The following GIMAP4 variants were observed in gnomAD, a reference collection of about 807,000 sequenced individuals.
The protein encoded by GIMAP4 is GTPase IMAP family member 4.
In GIMAP4, 12 loss-of-function variants were observed where a neutral mutation model predicts 10.8. That is an observed-to-expected ratio of 1.11 (90% CI 0.71 to 1.81). The LOEUF (loss-of-function observed/expected upper bound fraction) is 1.81. Among genes scored for constraint, GIMAP4 ranks in the 40% most tolerant of loss-of-function variants. The probability of loss-of-function intolerance (pLI) is 0.00; values close to 1 mark genes in which losing one functional copy is unlikely to be tolerated. For synonymous variants in GIMAP4, 149 were observed against 147.2 expected (o/e 1.01, Z -0.09); for missense variants, 412 against 404.6 (o/e 1.02, Z -0.16).
intron 2 of GIMAP4, among the ~76,000 whole-genome samples, chr7:150,571,573 C>A (rs529295308): frequency 6.6e-6 from 1 of 152,044 alleles, no homozygotes; most frequent in Non-Finnish European, 1.5e-5. Context: ...CTGAGGTCAG[C>A]AGTTTGAGAC....
rs1230240829 is a variant in GIMAP4 at position 150,570,571 on chromosome 7, A to G, written c.58+612A>G. Among the ~76,000 whole-genome samples the G allele has an allele frequency of 2.6e-5, 4 of 152,156 alleles. No homozygotes were observed. In the South Asian group the frequency reaches 6.2e-4, roughly 24 times the overall value. On this transcript the variant is annotated intron_variant, in intron 2 of 2. Coordinates refer to ENST00000255945, the MANE Select transcript of GIMAP4 (RefSeq NM_018326.3). ...ACATCAGCCATTTAGTTGGTTCTTA[A>G]TTCTGTGGGTTCACTGGGCTGTTCT...
Position 150,572,301 on chromosome 7 carries a change from G to T in GIMAP4, c.231G>T (p.Lys77Asn). ...GTGAGAAACGCAGCAGCTCATGGAA[G>T]GAAACAGAACTTGTCGTAGTTGACA... ...KKCEKRSSSW[K>N]ETELVVVDTP... Residue 77 changes from lysine to asparagine, a missense_variant, in exon 3 of 3, where the codon AAG (lysine) becomes AAT (asparagine). Coordinates refer to ENST00000255945, the MANE Select transcript of GIMAP4 (RefSeq NM_018326.3). 1 of 1,614,140 alleles carries T rather than the reference G, an allele frequency of 6.2e-7. No individual in the cohort carries two copies. Among genetic ancestry groups the T allele is most frequent in the Non-Finnish European group, 8.5e-7 (1 of 1,179,996 alleles).
chr7:150,572,065 T>C (rs1585157500), intron 2 of GIMAP4, 64 bp from the exon 3 acceptor site: 2 of 1,068,126 alleles, frequency 1.9e-6, no homozygotes, highest in Non-Finnish European at 2.8e-6. Flanking sequence ...GTGAGGACTC[T>C]GCAGGGGAAT....
At chr7:150,567,729 T>C (rs1020159065) in intron 1 of GIMAP4, among the ~76,000 whole-genome samples, 4 of 152,186 alleles carry the variant, frequency 2.6e-5, no homozygotes, top group Admixed American at 6.5e-5. Flanking sequence ...GGGATAAAGT[T>C]GGGTGAGCGG....
At chr7:150,572,081 A>T in intron 2 of GIMAP4, 48 bp from the exon 3 acceptor site, 2 of 1,219,768 alleles carry the variant, frequency 1.6e-6, no homozygotes, top group Non-Finnish European at 1.2e-6. Flanking sequence ...GGAATCTATT[A>T]GAGGTAGATT....
At chr7:150,570,099 AC>A (rs1295447815) in intron 2 of GIMAP4, 140 bp downstream of exon 2, 1 of 652,066 alleles carries the variant, frequency 1.5e-6, no homozygotes, top group East Asian at 2.8e-5. Flanking sequence ...AATATTTCCA[AC>A]CTCTTTTCTC....
intron 2 of GIMAP4, 82 bp from the exon 3 acceptor site, chr7:150,572,047 C>A: frequency 1.2e-6 from 1 of 836,006 alleles, no homozygotes; most frequent in Non-Finnish European, 1.9e-6. Context: ...CGGAGGAGGG[C>A]ACTGGGGGTG....
In GIMAP4 at chr7:150,572,251, G is replaced by A. The variant is rs1435374881; in HGVS notation, c.181G>A (p.Ala61Thr). The A allele has an allele frequency of 6.2e-7, 1 of 1,614,146 alleles. No individual in the cohort carries two copies. The highest frequency in any genetic ancestry group is 1.1e-5 in the South Asian group (1 of 91,086). ...CCGGAAAGTGTTTCATTCTGGCACTGCAGCAAAATCCATTACCAAGAAGTG... is the reference window on the plus strand; with the variant it reads ...CCGGAAAGTGTTTCATTCTGGCACTACAGCAAAATCCATTACCAAGAAGTG... ...LGRKVFHSGT[A>T]AKSITKKCEK... is the part of the protein sequence containing the mutation. Residue 61 changes from alanine (A) to threonine (T), a missense_variant, in exon 3 of 3, where the codon GCA (alanine) becomes ACA (threonine). Coordinates refer to ENST00000255945, the MANE Select transcript of GIMAP4 (RefSeq NM_018326.3).
At position 150,573,929 on chromosome 7, in the gene GIMAP4, A is replaced by T. The variant is rs1795769017; in HGVS notation, c.*869A>T. 6.6e-6 allele frequency: 1 copy of T among 152,196 alleles called. No individual in the cohort carries two copies. Among genetic ancestry groups the T allele is most frequent in the Admixed American group, 6.5e-5 (1 of 15,290 alleles). 9.4% of individuals were successfully genotyped at this position (152,196 alleles called of 1,614,324 possible). On this transcript the variant is annotated 3_prime_UTR_variant, in exon 3 of 3. Coordinates refer to ENST00000255945, the MANE Select transcript of GIMAP4 (RefSeq NM_018326.3). ...ATTGAATTTTTTGCTTATGTTGTTT[A>T]TAATAAAACTTTTCAATTATCTCAT...
chr7:150,572,817 G>A lies in GIMAP4; in HGVS notation c.747G>A (p.Glu249=), dbSNP rs770039406. The A allele has an allele frequency of 3.7e-6, 6 of 1,613,918 alleles. No individual in the cohort carries two copies. The East Asian group carries it at 1.3e-4, about 36-fold the overall frequency. Reference sequence around the variant, plus strand: ...AAGAACTCCACAGAGTGGAGCTGGAGAGAGAGAAAGCGCGGATAAGAGAGG... The same window carrying A: ...AAGAACTCCACAGAGTGGAGCTGGAAAGAGAGAAAGCGCGGATAAGAGAGG... ...AMQELHRVEL[E]REKARIREEY... The change falls in exon 3 of 3, where the codon GAG becomes GAA. Residue 249 remains glutamate, a synonymous_variant. Transcript: ENST00000255945.
At chr7:150,569,862 A>G (rs781450876) in intron 1 of GIMAP4, 26 bp from the exon 2 acceptor site, 2 of 1,029,114 alleles carry the variant, frequency 1.9e-6, no homozygotes, top group East Asian at 4.7e-5. Flanking sequence ...CCCTAAAATG[A>G]CATGGTTATG....
rs2293172 is a variant in GIMAP4 at position 150,572,454 on chromosome 7, G to A, written c.384G>A (p.Glu128=). The change falls in exon 3 of 3, where the codon GAG becomes GAA. Residue 128 remains glutamate, a synonymous_variant. Coordinates refer to ENST00000255945, the MANE Select transcript of GIMAP4 (RefSeq NM_018326.3). ...LLVVPLGRYT[E]EEHKATEKIL... is the part of the protein sequence containing the mutation. ...TGGTTCCACTGGGCCGTTACACTGA[G>A]GAAGAGCACAAAGCCACAGAGAAGA... The A allele has an allele frequency of 3.7e-6, 6 of 1,613,990 alleles. No homozygotes were observed. Among genetic ancestry groups the A allele is most frequent in the Non-Finnish European group, 5.1e-6 (6 of 1,179,886 alleles).
In GIMAP4 at chr7:150,572,610, C is replaced by T; in HGVS notation, c.540C>T (p.Asp180=). 6.2e-7 allele frequency: 1 copy of T among 1,614,202 alleles called. No homozygotes were observed. Among genetic ancestry groups the T allele is most frequent in the Non-Finnish European group, 8.5e-7 (1 of 1,180,016 alleles). ...CAGAAGACATTCAAGACTTGATGGA[C>T]ATTTTCGGTGACCGCTACTGTGCGT... ...EAPEDIQDLM[D]IFGDRYCALN... Residue 180 remains aspartate (D), a synonymous_variant, in exon 3 of 3, where the codon GAC becomes GAT. Transcript: ENST00000255945.
chr7:150,569,755 T>C, intron 1 of GIMAP4, 133 bp from the exon 2 acceptor site: 1 of 592,140 alleles, frequency 1.7e-6, no homozygotes, highest in East Asian at 2.8e-5. Flanking sequence ...AGGAGACTTT[T>C]GGGAAATGGA....
rs140130707 is a variant in GIMAP4, at chr7:150,572,600, A to G, written c.530A>G (p.Asp177Gly). Residue 177 changes from aspartate to glycine, a missense_variant, in exon 3 of 3, where the codon GAC becomes GGC. Coordinates refer to ENST00000255945, the MANE Select transcript of GIMAP4 (RefSeq NM_018326.3). ...AGGGAAGCTCCAGAAGACATTCAAG[A>G]CTTGATGGACATTTTCGGTGACCGC... ...YLREAPEDIQ[D>G]LMDIFGDRYC... 5.6e-6 allele frequency: 9 copies of G among 1,614,060 alleles called. No homozygotes were observed. The African/African-American group carries it at 9.3e-5, about 17-fold the overall frequency.
chr7:150,572,863 A>G lies in GIMAP4; in HGVS notation c.793A>G (p.Lys265Glu). 6.2e-7 allele frequency: 1 copy of G among 1,613,770 alleles called. No individual in the cohort carries two copies. Among genetic ancestry groups the G allele is most frequent in the Non-Finnish European group, 8.5e-7 (1 of 1,179,846 alleles). ...AGAGGAGTATGAAGAGAAAATCAGA[A>G]AGCTGGAAGATAAAGTGGAGCAGGA... ...IREEYEEKIRKLEDKVEQEKR... is the reference protein window; with the variant it reads ...IREEYEEKIRELEDKVEQEKR... Residue 265 changes from lysine to glutamate, a missense_variant, in exon 3 of 3, where the codon AAG (lysine) becomes GAG (glutamate). By Grantham distance (56) the Lys-to-Glu change is moderately conservative (BLOSUM62 1). Coordinates refer to ENST00000255945, the MANE Select transcript of GIMAP4 (RefSeq NM_018326.3).
chr7:150,570,281 C>T (rs1308858943), intron 2 of GIMAP4, among the ~76,000 whole-genome samples: 1 of 152,136 alleles, frequency 6.6e-6, no homozygotes, highest in Non-Finnish European at 1.5e-5. Flanking sequence ...ACCAGAACAG[C>T]TGGTTGTAGC....
chr7:150,572,380 A>G lies in GIMAP4; in HGVS notation c.310A>G (p.Ile104Val). ...VPNAETSKEI[I>V]RCILLTSPGP... ...CAATGCTGAAACGTCCAAGGAGATT[A>G]TTCGCTGCATTCTTCTGACCTCCCC... Residue 104 changes from isoleucine to valine, a missense_variant, in exon 3 of 3, where the codon ATT (isoleucine) becomes GTT (valine). Transcript: ENST00000255945. 6.2e-7 allele frequency: 1 copy of G among 1,614,102 alleles called. No individual in the cohort carries two copies.
intron 1 of GIMAP4, among the ~76,000 whole-genome samples, chr7:150,567,786 G>A (rs528808843): frequency 6.6e-6 from 1 of 152,218 alleles, no homozygotes; most frequent in African/African-American, 2.4e-5. Context: ...ACATTGGGAT[G>A]TGTAAGGGGC....
Sources: allele counts gnomAD v4.1 joint callset (sites outside exome capture counted in the v4.1 genomes callset), GRCh38; gene constraint gnomAD v4.1.1; transcripts MANE v1.5; gene names NCBI Gene and HGNC (gene_info 2026-07-23, HGNC 2026-07-21).